SLC41A2: variants seen among roughly 807,000 people sequenced by gnomAD.
The protein encoded by SLC41A2 is solute carrier family 41 member 2, also known as SLC41A1-like 1.
A neutral mutation model predicts 58.3 loss-of-function variants in SLC41A2; 32 were observed. The ratio of observed to expected loss-of-function variants is 0.55; its 90% CI spans 0.41 to 0.74. The LOEUF is 0.74. Ranked by LOEUF, SLC41A2 falls within the 30% of genes least tolerant of loss-of-function variation. The probability of loss-of-function intolerance (pLI) is 0.00; values close to 1 mark genes in which losing one functional copy is unlikely to be tolerated. For missense variants in SLC41A2, 514 were observed against 680.6 expected (o/e 0.76, Z 2.72); for synonymous variants, 190 against 235.0 (o/e 0.81, Z 1.75).
At chr12:104,863,376 A>T (rs1216695793) in intron 7 of SLC41A2, among the ~76,000 whole-genome samples, 1 of 152,160 alleles carries the variant, frequency 6.6e-6, no homozygotes, top group African/African-American at 2.4e-5. Context: ...TTGAGGCTGC[A>T]GTGAACTACA....
chr12:104,842,793 T>C (rs1234013411), intron 10 of SLC41A2, among the ~76,000 whole-genome samples: 2 of 152,122 alleles, frequency 1.3e-5, no homozygotes, highest in Admixed American at 6.5e-5. Flanking sequence ...AAATTACTTA[T>C]ATCCTTCATT....
rs774221112 is a variant in SLC41A2, at chr12:104,895,268, A to T, written c.735+6T>A. On this transcript the variant is annotated splice_donor_region_variant and intron_variant, in intron 4 of 10. Transcript: ENST00000258538. ...AGATCTGTAAACAAATATGTGTACC[A>T]CTTACCTGCTTTAAAGCCAAGTTGC... is the stretch of plus-strand genomic sequence containing the variant. 7 of 1,608,054 alleles carry T rather than the reference A, an allele frequency of 4.4e-6. No individual in the cohort carries two copies. The African/African-American group carries it at 8.0e-5, about 18-fold the overall frequency.
chr12:104,909,943 G>A (rs1322911111), intron 2 of SLC41A2, among the ~76,000 whole-genome samples, 181 bp from the exon 3 acceptor site: 3 of 152,166 alleles, frequency 2.0e-5, no homozygotes, highest in Non-Finnish European at 4.4e-5. Flanking sequence ...CTGAAGCTCT[G>A]AGTCACTTTA....
At chr12:104,812,530 G>A (rs2041219787) in intron 10 of SLC41A2, among the ~76,000 whole-genome samples, 1 of 152,066 alleles carries the variant, frequency 6.6e-6, no homozygotes, top group Non-Finnish European at 1.5e-5. Flanking sequence ...GTAAATGAAA[G>A]GCCTTTTAAG....
At chr12:104,873,318 T>C (rs1182277777) in intron 6 of SLC41A2, among the ~76,000 whole-genome samples, 1 of 152,248 alleles carries the variant, frequency 6.6e-6, no homozygotes, top group Admixed American at 6.5e-5. Context: ...TCACTTGACA[T>C]ATAATGTCTT....
chr12:104,854,265 G>C (rs1374658972), intron 8 of SLC41A2, among the ~76,000 whole-genome samples: 1 of 151,858 alleles, frequency 6.6e-6, no homozygotes, highest in African/African-American at 2.4e-5. Flanking sequence ...GAAAATAAAA[G>C]ATTGAAAAAC....
intron 1 of SLC41A2, among the ~76,000 whole-genome samples, chr12:104,940,597 CCTT>C (rs2047471827): frequency 6.6e-6 from 1 of 150,736 alleles, no homozygotes; most frequent in Non-Finnish European, 1.5e-5. Flanking sequence ...CCTTTTATCT[CCTT>C]TTTTTTTTTG....
chr12:104,880,388 T>G (rs750000706), intron 6 of SLC41A2, among the ~76,000 whole-genome samples: 2 of 152,230 alleles, frequency 1.3e-5, no homozygotes, highest in Non-Finnish European at 2.9e-5. Context: ...ATCCCTGTCT[T>G]GTCACACTTT....
intron 8 of SLC41A2, among the ~76,000 whole-genome samples, chr12:104,860,586 T>G (rs2043174197): frequency 6.6e-6 from 1 of 151,816 alleles, no homozygotes; most frequent in African/African-American, 2.4e-5. Flanking sequence ...ATAGATTTTT[T>G]TCTTTTATTT....
chr12:104,840,074 T>C (rs2042355931), intron 10 of SLC41A2, among the ~76,000 whole-genome samples: 2 of 152,184 alleles, frequency 1.3e-5, no homozygotes, highest in South Asian at 2.1e-4. Context: ...GGGACTAGCC[T>C]TTGAAGAATA....
intron 8 of SLC41A2, among the ~76,000 whole-genome samples, chr12:104,851,146 T>C (rs1470758682): frequency 6.6e-6 from 1 of 152,150 alleles, no homozygotes; most frequent in African/African-American, 2.4e-5. Flanking sequence ...TTTCTGGACA[T>C]GGTAAAGGCT....
intron 3 of SLC41A2, among the ~76,000 whole-genome samples, chr12:104,906,390 G>T (rs556703451): frequency 1.3e-5 from 2 of 152,220 alleles, no homozygotes; most frequent in Admixed American, 1.3e-4. Context: ...GATGGAGCTT[G>T]GACATGGGGC....
chr12:104,909,615 G>C, intron 3 of SLC41A2, 40 bp downstream of exon 3: 5 of 1,315,334 alleles, frequency 3.8e-6, no homozygotes, highest in Non-Finnish European at 5.4e-6. Context: ...AGAGAAACAG[G>C]ATAGGTAATA....
chr12:104,904,895 A>G (rs2045746492), intron 3 of SLC41A2, among the ~76,000 whole-genome samples: 2 of 151,872 alleles, frequency 1.3e-5, no homozygotes, highest in Non-Finnish European at 2.9e-5. Flanking sequence ...ATTGCAAAGA[A>G]CAAAAGACCA....
At chr12:104,824,807 A>G (rs986873178) in intron 10 of SLC41A2, among the ~76,000 whole-genome samples, 59 of 151,966 alleles carry the variant, frequency 3.9e-4, no homozygotes, top group African/African-American at 1.4e-3. Flanking sequence ...AGTAAACTAC[A>G]CTCCCATCAC....
chr12:104,832,390 T>C (rs2042068552), intron 10 of SLC41A2, among the ~76,000 whole-genome samples: 1 of 152,174 alleles, frequency 6.6e-6, no homozygotes, highest in East Asian at 1.9e-4. Flanking sequence ...CCCAGTACCC[T>C]TGGATGGATT....
intron 10 of SLC41A2, among the ~76,000 whole-genome samples, chr12:104,809,561 TAA>T (rs2136196232): frequency 6.6e-6 from 1 of 152,346 alleles, no homozygotes; most frequent in African/African-American, 2.4e-5. Flanking sequence ...TGGAATCATA[TAA>T]AGTTTTGCTA....
At chr12:104,946,449 AT>A (rs144440113) in intron 1 of SLC41A2, among the ~76,000 whole-genome samples, 5,797 of 151,898 alleles carry the variant, frequency 0.038, 154 homozygotes, top group East Asian at 0.11. Context: ...ATTTTTAAAA[AT>A]TTTTTTGTGG....
At chr12:104,865,407 C>A (rs370411340) in intron 7 of SLC41A2, among the ~76,000 whole-genome samples, 187 of 152,274 alleles carry the variant, frequency 1.2e-3, no homozygotes, top group Middle Eastern at 6.8e-3. Context: ...GGTGCTAAAG[C>A]TGGAGAAAGA....
Sources: allele counts gnomAD v4.1 joint callset (sites outside exome capture counted in the v4.1 genomes callset), GRCh38; gene constraint gnomAD v4.1.1; transcripts MANE v1.5; gene names NCBI Gene and HGNC (gene_info 2026-07-23, HGNC 2026-07-21).